Variants in MAGI2 observed in about 807,000 individuals in gnomAD.
MAGI2 encodes the protein membrane-associated guanylate kinase, WW and PDZ domain-containing protein 2.
Under a neutral mutation model 133.3 loss-of-function variants are expected in MAGI2, and 35 were observed. The ratio of observed to expected loss-of-function variants is 0.26; its 90% CI spans 0.20 to 0.35. The LOEUF (loss-of-function observed/expected upper bound fraction) is 0.35. MAGI2 is among the 10% of genes least tolerant of loss of function. The pLI is 1.00. For missense variants in MAGI2, 1,636 were observed against 1,863.4 expected, an observed-to-expected ratio of 0.88 and a Z score of 2.25; for synonymous variants, 729 against 710.6, an observed-to-expected ratio of 1.03 and a Z score of -0.41.
At chr7:78,461,383 CGTGTGTGTGCGTGTGT>C (rs1325872834) in intron 6 of MAGI2, among the ~76,000 whole-genome samples, 3 of 92,726 alleles carry the variant, frequency 3.2e-5, no homozygotes, top group East Asian at 5.9e-4. Context: ...TTCCTGGACA[CGTGTGTGTGCGTGTGT>C]GTGTGTGTGT....
At chr7:78,019,998 G>C (rs771365639) in intron 21 of MAGI2, 22 bp from the exon 22 acceptor site, 1 of 1,578,568 alleles carries the variant, frequency 6.3e-7, no homozygotes, top group South Asian at 1.1e-5. Context: ...AAGCACAGGC[G>C]TTAGCAGTGG....
intron 6 of MAGI2, among the ~76,000 whole-genome samples, chr7:78,432,857 T>C (rs1799933178): frequency 1.3e-5 from 2 of 152,108 alleles, no homozygotes; most frequent in African/African-American, 4.8e-5. Context: ...ATTTTCATTA[T>C]TAATGCTACT....
At chr7:78,479,905 G>A (rs762943235) in intron 6 of MAGI2, among the ~76,000 whole-genome samples, 1 of 151,770 alleles carries the variant, frequency 6.6e-6, no homozygotes, top group African/African-American at 2.4e-5. Flanking sequence ...AGAAATGGAA[G>A]TTATGAAAAA....
chr7:78,066,409 C>G (rs1250256250), intron 21 of MAGI2, among the ~76,000 whole-genome samples: 1 of 151,626 alleles, frequency 6.6e-6, no homozygotes, highest in East Asian at 1.9e-4. Context: ...TTGCAGTGAG[C>G]CGACATAGCA....
rs798307 is a variant in MAGI2 at position 78,328,591 on chromosome 7, C to T, written c.1408+15187G>A. On this transcript the variant is annotated intron_variant, in intron 9 of 21. Transcript: ENST00000354212. ...TTTAACACTTTAAAGGCTTTATATC[C>T]CAATCCTGGATCACAATCTTATACA... 6.9e-3 allele frequency among the ~76,000 whole-genome samples: 1,021 copies of T among 148,582 alleles called. 10 individuals carry two copies. The highest frequency in any genetic ancestry group is 0.024 in the African/African-American group (981 of 40,398).
intron 1 of MAGI2, among the ~76,000 whole-genome samples, chr7:79,018,304 C>T (rs964640366): frequency 1.5e-4 from 23 of 152,146 alleles, no homozygotes; most frequent in Non-Finnish European, 2.1e-4. Flanking sequence ...ACTAAGCTTT[C>T]GAAGTGAAGG....
chr7:78,146,516 T>C (rs1357037475), intron 16 of MAGI2, among the ~76,000 whole-genome samples: 5 of 152,192 alleles, frequency 3.3e-5, no homozygotes, highest in Non-Finnish European at 5.9e-5. Context: ...CTGTTGTCAC[T>C]TGTAGTCTTG....
intron 9 of MAGI2, among the ~76,000 whole-genome samples, chr7:78,286,328 A>T (rs1796140240): frequency 6.6e-6 from 1 of 152,134 alleles, no homozygotes; most frequent in Admixed American, 6.6e-5. Context: ...TAAGAAGCTC[A>T]TCATCTACTA....
chr7:78,622,975 G>C (rs1584878756), intron 3 of MAGI2, among the ~76,000 whole-genome samples: 1 of 151,984 alleles, frequency 6.6e-6, no homozygotes, highest in Non-Finnish European at 1.5e-5. Flanking sequence ...TACTGAAAAG[G>C]TGTCTGAAGA....
intron 1 of MAGI2, among the ~76,000 whole-genome samples, chr7:79,400,044 T>C (rs894635279): frequency 1.2e-4 from 19 of 152,226 alleles, no homozygotes; most frequent in Non-Finnish European, 1.3e-4. Context: ...AATTGTGAAC[T>C]TGTGTTCATG....
intron 2 of MAGI2, among the ~76,000 whole-genome samples, chr7:78,988,100 T>C (rs573176816): frequency 1.9e-4 from 29 of 152,160 alleles, no homozygotes; most frequent in Admixed American, 1.3e-4. Flanking sequence ...ACAGCCTCCA[T>C]ATTTTGTTGG....
At chr7:78,540,675 G>T (rs1474845315) in intron 3 of MAGI2, among the ~76,000 whole-genome samples, 1 of 152,048 alleles carries the variant, frequency 6.6e-6, no homozygotes, top group Non-Finnish European at 1.5e-5. Flanking sequence ...TCTCTCTGTG[G>T]TCCTTCGCCA....
At chr7:79,200,020 C>T (rs1228580299) in intron 1 of MAGI2, among the ~76,000 whole-genome samples, 8 of 151,740 alleles carry the variant, frequency 5.3e-5, no homozygotes, top group Admixed American at 1.3e-4. Flanking sequence ...ACATGGACAC[C>T]GAGATTCCTG....
chr7:79,451,121 A>G (rs1184646027), intron 1 of MAGI2, among the ~76,000 whole-genome samples: 1 of 152,208 alleles, frequency 6.6e-6, no homozygotes, highest in Non-Finnish European at 1.5e-5. Flanking sequence ...ACTCTTTGCT[A>G]GCGTGACAGT....
intron 16 of MAGI2, among the ~76,000 whole-genome samples, chr7:78,144,819 T>C (rs979640929): frequency 1.3e-5 from 2 of 152,156 alleles, no homozygotes; most frequent in South Asian, 2.1e-4. Context: ...GTTACATAGG[T>C]ATGCGTGTGT....
chr7:78,204,833 T>C (rs1829583859), intron 10 of MAGI2, among the ~76,000 whole-genome samples: 1 of 152,190 alleles, frequency 6.6e-6, no homozygotes, highest in South Asian at 2.1e-4. Flanking sequence ...ATGGAAAAAT[T>C]TAGATGTAGC....
intron 9 of MAGI2, among the ~76,000 whole-genome samples, chr7:78,264,159 T>A (rs1793778089): frequency 6.6e-6 from 1 of 152,196 alleles, no homozygotes; most frequent in African/African-American, 2.4e-5. Context: ...ATCTGGCATT[T>A]ACAAACTCCA....
chr7:79,220,573 T>C (rs1830371656), intron 1 of MAGI2, among the ~76,000 whole-genome samples: 1 of 151,856 alleles, frequency 6.6e-6, no homozygotes, highest in South Asian at 2.1e-4. Context: ...AACCTCTTGG[T>C]TGGAAGTCAG....
chr7:79,156,168 C>T (rs905704132), intron 1 of MAGI2, among the ~76,000 whole-genome samples: 28 of 152,046 alleles, frequency 1.8e-4, no homozygotes, highest in African/African-American at 6.5e-4. Context: ...TTTTATTTAA[C>T]TCTATGTATC....
Sources: gnomAD v4.1 joint callset for allele counts (sites outside exome capture counted in the v4.1 genomes callset) on GRCh38, gnomAD v4.1.1 for gene constraint, MANE v1.5 for transcripts, NCBI Gene and HGNC (gene_info 2026-07-23, HGNC 2026-07-21) for gene names.